The following CSPG4 variants were observed in gnomAD, a reference collection of about 807,000 sequenced individuals.
CSPG4 encodes the protein chondroitin sulfate proteoglycan 4, also known as chondroitin sulfate proteoglycan 4 (melanoma-associated).
Under a neutral mutation model 139.3 loss-of-function variants are expected in CSPG4, and 74 were observed. The observed-to-expected ratio is 0.53, with a 90% CI of 0.44 to 0.64. CSPG4 has a LOEUF of 0.64. Ranked by LOEUF, CSPG4 falls within the 30% of genes least tolerant of loss-of-function variation. The pLI is 0.00. For missense variants in CSPG4, 2,565 were observed against 3,148.3 expected, an observed-to-expected ratio of 0.81 and a Z score of 4.43; for synonymous variants, 1,234 against 1,394.2, an observed-to-expected ratio of 0.89 and a Z score of 2.56.
chr15:75,677,675 A>G, intron 9 of CSPG4, 28 bp downstream of exon 9: 1 of 1,569,312 alleles, frequency 6.4e-7, no homozygotes, highest in Non-Finnish European at 8.6e-7. Flanking sequence ...CCCTCCCCAC[A>G]ATCTTGCCAG....
Position 75,687,966 on chromosome 15 carries a change from C to T in CSPG4, c.3099G>A (p.Gly1033=), listed in dbSNP as rs1409199420. 1.2e-6 allele frequency: 2 copies of T among 1,612,668 alleles called. No individual in the cohort carries two copies. The highest frequency in any genetic ancestry group is 1.7e-6 in the Non-Finnish European group (2 of 1,179,968). Residue 1033 remains glycine, a synonymous_variant, in exon 3 of 10, where the codon GGG becomes GGA. Transcript: ENST00000308508. The surrounding 1 kb of genome is among the most constrained non-coding windows in gnomAD (Gnocchi z 5.4). The stretch of plus-strand genomic sequence containing the variant: ...CGTCGTCTGTAGTCAGCAGCCGCCG[C>T]CCACCCCGGGCCACATGGAAGATCC... ...ISRIFHVARG[G]RRLLTTDDVA...
chr15:75,712,689 ACAT>A lies in CSPG4; in HGVS notation c.64_66del (p.Met22del). The A allele has an allele frequency of 6.4e-7, 1 of 1,565,756 alleles. No individual in the cohort carries two copies. Among genetic ancestry groups the A allele is most frequent in the Admixed American group, 1.9e-5 (1 of 52,464 alleles). On this transcript the variant is annotated inframe_deletion, in exon 1 of 10. Transcript: ENST00000308508. Reference sequence around the variant, plus strand: ...TCACCCGCGGATGCAAGTCTGGCCAACATAGTCAGGGTCAAAGCCAAGGCCAGG... The same window carrying A: ...TCACCCGCGGATGCAAGTCTGGCCAAAGTCAGGGTCAAAGCCAAGGCCAGG...
chr15:75,687,835 G>A lies in CSPG4; in HGVS notation c.3230C>T (p.Pro1077Leu). 6.2e-7 allele frequency: 1 copy of A among 1,612,920 alleles called. No homozygotes were observed. ...GTCCTCCTGGGTGAAGCGGTAGATG[G>A]GCCGCGTGGGCTCATCTACGGCCAC... ...SIVAVDEPTRPIYRFTQEDLR... is the reference protein window; with the variant it reads ...SIVAVDEPTRLIYRFTQEDLR... Residue 1077 changes from proline to leucine, a missense_variant, in exon 3 of 10, where the codon CCC becomes CTC. Pro to Leu is a moderately conservative substitution (Grantham distance 98). Around this residue, in one of 5 missense-constraint regions of CSPG4, gnomAD observed 2,316 missense variants for 2,818.2 expected, o/e 0.82. Transcript: ENST00000308508. The surrounding 1 kb of genome is among the most constrained non-coding windows in gnomAD (Gnocchi z 5.4).
At chr15:75,695,055 T>C (rs1894208721) in intron 1 of CSPG4, among the ~76,000 whole-genome samples, 2 of 152,162 alleles carry the variant, frequency 1.3e-5, no homozygotes, top group Non-Finnish European at 2.9e-5. Context: ...AGCCAGGTGA[T>C]ACTGCCCACA....
At position 75,689,117 on chromosome 15, in the gene CSPG4, G is replaced by A. The variant is rs1894116035; in HGVS notation, c.1948C>T (p.Pro650Ser). ...GCCACCACCTTCAGCGTGGCCGGGG[G>A]GCTGGCCTGCAGTCCATCGCTGACC... Reference protein sequence around the residue: ...FRVSDGLQASPPATLKVVAIR... With the variant: ...FRVSDGLQASSPATLKVVAIR... The change falls in exon 3 of 10, where the codon CCC becomes TCC. Residue 650 changes from proline (P) to serine (S), a missense_variant. By Grantham distance (74) the Pro-to-Ser change is moderately conservative (BLOSUM62 -1). Transcript: ENST00000308508. 3.1e-6 allele frequency: 5 copies of A among 1,602,282 alleles called. No homozygotes were observed. Among genetic ancestry groups the A allele is most frequent in the Non-Finnish European group, 4.3e-6 (5 of 1,174,674 alleles).
chr15:75,684,604 C>CA, intron 5 of CSPG4, 132 bp downstream of exon 5: 1 of 784,004 alleles, frequency 1.3e-6, no homozygotes, highest in Non-Finnish European at 2.0e-6. Context: ...CCCCGTGAGG[C>CA]ATGTGGCAGC....
chr15:75,712,910 C>T (rs968552777), upstream of CSPG4: 8 of 582,176 alleles, frequency 1.4e-5, no homozygotes, highest in Non-Finnish European at 2.3e-5. Flanking sequence ...GACCCGCGCG[C>T]CCGCTCGGGT....
intron 1 of CSPG4, among the ~76,000 whole-genome samples, chr15:75,710,637 T>A (rs1395216044): frequency 1.3e-5 from 2 of 152,108 alleles, no homozygotes; most frequent in African/African-American, 4.8e-5. Flanking sequence ...CCTCAAATGT[T>A]GATGAGTAGA....
At position 75,676,030 on chromosome 15, in the gene CSPG4, C is replaced by T. The variant is rs1247769515; in HGVS notation, c.6489G>A (p.Glu2163=). 1 of 1,554,270 alleles carries T rather than the reference C, an allele frequency of 6.4e-7. No individual in the cohort carries two copies. The highest frequency in any genetic ancestry group is 1.8e-5 in the Admixed American group (1 of 54,566). ...TGTAGGGCCGGGCAGCATTGTAAGG[C>T]TCAGTGGCAAAGTCCAGGGAGGCCA... ...PAVASLDFAT[E]PYNAARPYSV... The change falls in exon 10 of 10, where the codon GAG becomes GAA. Residue 2163 remains glutamate (E), a synonymous_variant. Coordinates refer to ENST00000308508, the MANE Select transcript of CSPG4 (RefSeq NM_001897.5).
chr15:75,702,421 C>T (rs549388527), intron 1 of CSPG4, among the ~76,000 whole-genome samples: 14 of 152,370 alleles, frequency 9.2e-5, no homozygotes, highest in East Asian at 3.9e-4. Flanking sequence ...ACACTCGCTG[C>T]GGCCCAGGGG....
chr15:75,687,589 C>A lies in CSPG4; in HGVS notation c.3476G>T (p.Arg1159Leu), dbSNP rs773421645. ...VLHLDTNLDI[R>L]SGDEVHYHVT... is the part of the protein sequence containing the mutation. ...GTGGTAGTGGACCTCATCCCCACTG[C>A]GGATGTCGAGGTTGGTGTCCAGGTG... The change falls in exon 3 of 10, where the codon CGC (arginine) becomes CTC (leucine). Residue 1159 changes from arginine to leucine, a missense_variant. Around this residue, in one of 5 missense-constraint regions of CSPG4, gnomAD observed 2,316 missense variants for 2,818.2 expected, o/e 0.82. Coordinates refer to ENST00000308508, the MANE Select transcript of CSPG4 (RefSeq NM_001897.5). The surrounding 1 kb of genome is among the most constrained non-coding windows in gnomAD (Gnocchi z 5.4). 1.2e-6 allele frequency: 2 copies of A among 1,610,566 alleles called. No individual in the cohort carries two copies. The highest frequency in any genetic ancestry group is 1.1e-5 in the South Asian group (1 of 90,828).
At chr15:75,695,665 G>A (rs562738279) in intron 1 of CSPG4, among the ~76,000 whole-genome samples, 3 of 152,180 alleles carry the variant, frequency 2.0e-5, no homozygotes, top group Admixed American at 1.3e-4. Flanking sequence ...TGGAGGTGGT[G>A]GGGGGGCAGT....
intron 5 of CSPG4, among the ~76,000 whole-genome samples, chr15:75,684,156 T>C (rs1293941390): frequency 2.0e-5 from 3 of 152,202 alleles, no homozygotes; most frequent in Admixed American, 2.0e-4. Flanking sequence ...CCCTGCCATG[T>C]GGGCTTTGTA....
At chr15:75,709,304 G>A (rs1894414276) in intron 1 of CSPG4, among the ~76,000 whole-genome samples, 1 of 152,194 alleles carries the variant, frequency 6.6e-6, no homozygotes, top group Non-Finnish European at 1.5e-5. Flanking sequence ...GACATATGCT[G>A]GGGCGGAGGG....
At position 75,682,396 on chromosome 15, in the gene CSPG4, T is replaced by C; in HGVS notation, c.4847A>G (p.Gln1616Arg). 1.6e-5 allele frequency: 26 copies of C among 1,596,236 alleles called. No homozygotes were observed. The highest frequency in any genetic ancestry group is 2.2e-5 in the Non-Finnish European group (26 of 1,179,424). ...CCGCACCACACGGTAGAGCAGGAGC[T>C]GGGGGTCAGTGCCTGCGCTGGAGCT... ...RASSSAGTDP[Q>R]LLLYRVVRGP... The change falls in exon 8 of 10, where the codon CAG becomes CGG. Residue 1616 changes from glutamine (Q) to arginine (R), a missense_variant. This residue lies in a region of CSPG4 where 2,316 missense variants were observed against 2,818.2 expected (regional missense o/e 0.82). Coordinates refer to ENST00000308508, the MANE Select transcript of CSPG4 (RefSeq NM_001897.5).
chr15:75,700,480 G>A (rs1180526357), intron 1 of CSPG4, among the ~76,000 whole-genome samples: 2 of 152,174 alleles, frequency 1.3e-5, no homozygotes, highest in Non-Finnish European at 2.9e-5. Context: ...CGAATCGGGA[G>A]GGCCCTTCTG....
intron 1 of CSPG4, among the ~76,000 whole-genome samples, chr15:75,709,693 G>A (rs186212512): frequency 6.6e-6 from 1 of 151,394 alleles, no homozygotes; most frequent in Non-Finnish European, 1.5e-5. Context: ...TGGGCAGCAC[G>A]CCCAGTTCCC....
At chr15:75,691,926 C>A (rs913498436) in intron 2 of CSPG4, among the ~76,000 whole-genome samples, 12 of 152,144 alleles carry the variant, frequency 7.9e-5, no homozygotes, top group African/African-American at 2.9e-4. Context: ...GTGAAAGCAG[C>A]AGACTGACCA....
chr15:75,702,799 G>C (rs1894322746), intron 1 of CSPG4, among the ~76,000 whole-genome samples: 1 of 152,112 alleles, frequency 6.6e-6, no homozygotes, highest in Admixed American at 6.5e-5. Context: ...TTTATAGCCG[G>C]AGGCCACAGC....
Sources: allele counts gnomAD v4.1 joint callset (sites outside exome capture counted in the v4.1 genomes callset), GRCh38; gene constraint gnomAD v4.1.1; regional missense constraint gnomAD v4.1.1; non-coding constraint Gnocchi (gnomAD v3.1); transcripts MANE v1.5; gene names NCBI Gene and HGNC (gene_info 2026-07-23, HGNC 2026-07-21).